Variants in SAMHD1 observed in about 807,000 individuals in gnomAD.
The protein encoded by SAMHD1 is SAM and HD domain containing deoxynucleoside triphosphate triphosphohydrolase 1, also known as deoxynucleoside triphosphate triphosphohydrolase SAMHD1.
Under a neutral mutation model 79.6 loss-of-function variants are expected in SAMHD1, and 54 were observed. The ratio of observed to expected loss-of-function variants is 0.68; its 90% CI spans 0.55 to 0.85. The LOEUF is 0.85. Ranked by LOEUF, SAMHD1 falls within the 40% of genes least tolerant of loss-of-function variation. The pLI, the probability that SAMHD1 is intolerant of heterozygous loss-of-function variation, is 0.00. For missense variants in SAMHD1, 663 were observed against 782.7 expected, an observed-to-expected ratio of 0.85 and a Z score of 1.82; for synonymous variants, 260 against 264.1, an observed-to-expected ratio of 0.98 and a Z score of 0.15.
At position 36,926,908 on chromosome 20, in the gene SAMHD1, G is replaced by A. The variant is rs546010168; in HGVS notation, c.696+274C>T. The A allele has an allele frequency of 1.4e-4, 53 of 374,872 alleles. 1 individual carries two copies. In the South Asian group the frequency reaches 1.4e-3, roughly 10 times the overall value. The allele number at this position is 374,872 out of a possible 1,614,324, so 23.2% of individuals were successfully genotyped here. ...AACTGGTTTTGTATTGCTGATTCCA[G>A]TATTTAACGGCTTTGTGATTTTTGA... On this transcript the variant is annotated intron_variant, in intron 6 of 15. Transcript: ENST00000646673.
intron 3 of SAMHD1, chr20:36,935,530 T>C (rs1048819613): frequency 6.0e-6 from 2 of 335,200 alleles, no homozygotes; most frequent in Non-Finnish European, 1.1e-5. Context: ...AACACATTCA[T>C]CCACATCATG....
chr20:36,891,071 G>T lies in SAMHD1; in HGVS notation c.*1861C>A, dbSNP rs1034691150. 1.3e-5 allele frequency: 2 copies of T among 152,172 alleles called. No homozygotes were observed. Among genetic ancestry groups the T allele is most frequent in the African/African-American group, 4.8e-5 (2 of 41,430 alleles). 9.4% of individuals were successfully genotyped at this position (152,172 alleles called of 1,614,324 possible). On this transcript the variant is annotated 3_prime_UTR_variant, in exon 16 of 16. Coordinates refer to ENST00000646673, the MANE Select transcript of SAMHD1 (RefSeq NM_015474.4). ...CTATAGAGGCACCTTGGCTAAAATG[G>T]GAATGACCTAGTGCCATGGCTGACC...
intron 3 of SAMHD1, 23 bp downstream of exon 3, chr20:36,941,016 A>G (rs1379229065): frequency 1.8e-5 from 29 of 1,578,914 alleles, no homozygotes; most frequent in Non-Finnish European, 2.4e-5. Flanking sequence ...TTCAAAAAAC[A>G]TAACAAACTC....
At chr20:36,939,044 C>G (rs1301537706) in intron 3 of SAMHD1, among the ~76,000 whole-genome samples, 1 of 115,580 alleles carries the variant, frequency 8.7e-6, no homozygotes, top group Non-Finnish European at 1.6e-5. Flanking sequence ...GCCTGGCCAA[C>G]CTGGTGAAAC....
chr20:36,918,453 CAA>C (rs1047045007), intron 7 of SAMHD1, among the ~76,000 whole-genome samples: 1 of 143,152 alleles, frequency 7.0e-6, no homozygotes. Context: ...ACCACATCTC[CAA>C]AAAAAAAAAT....
chr20:36,915,770 C>T (rs2063470663), intron 9 of SAMHD1, among the ~76,000 whole-genome samples: 1 of 151,130 alleles, frequency 6.6e-6, no homozygotes. Flanking sequence ...AAGTTTTATA[C>T]AGATTTTCAA....
At chr20:36,895,450 A>G (rs1292702625) in intron 15 of SAMHD1, among the ~76,000 whole-genome samples, 1 of 152,076 alleles carries the variant, frequency 6.6e-6, no homozygotes, top group Non-Finnish European at 1.5e-5. Flanking sequence ...TACCCAAAGT[A>G]CTTACCATGC....
intron 1 of SAMHD1, 112 bp downstream of exon 1, chr20:36,951,324 C>T: frequency 6.7e-7 from 1 of 1,488,622 alleles, no homozygotes; most frequent in Non-Finnish European, 9.1e-7. Context: ...TGCCTCCCGC[C>T]GCAGGGCTCG....
At chr20:36,943,524 G>A (rs1320102127) in intron 2 of SAMHD1, among the ~76,000 whole-genome samples, 4 of 152,166 alleles carry the variant, frequency 2.6e-5, no homozygotes, top group Admixed American at 2.0e-4. Flanking sequence ...CTGGAACACT[G>A]CAATATAGTG....
At chr20:36,911,133 A>G (rs1341772879) in intron 11 of SAMHD1, 85 bp downstream of exon 11, 7 of 767,640 alleles carry the variant, frequency 9.1e-6, no homozygotes, top group African/African-American at 3.5e-5. Flanking sequence ...GAAAAATAAA[A>G]GAAAGAAAAA....
Position 36,935,167 on chromosome 20 carries a change from C to T in SAMHD1, c.371G>A (p.Gly124Asp), listed in dbSNP as rs2063595405. The change falls in exon 4 of 16, where the codon GGC becomes GAC. Residue 124 changes from glycine (G) to aspartate (D), a missense_variant. Coordinates refer to ENST00000646673, the MANE Select transcript of SAMHD1 (RefSeq NM_015474.4). The stretch of plus-strand genomic sequence containing the variant: ...GAGGAGAGGGTGGAGCTCAATGTGG[C>T]CATGGATAGGATCATTAATTACCTA... ...TMKVINDPIH[G>D]HIELHPLLVR... is the part of the protein sequence containing the mutation. 1 of 1,613,168 alleles carries T rather than the reference C, an allele frequency of 6.2e-7. No individual in the cohort carries two copies. The highest frequency in any genetic ancestry group is 8.5e-7 in the Non-Finnish European group (1 of 1,179,318).
intron 15 of SAMHD1, among the ~76,000 whole-genome samples, chr20:36,896,182 C>T (rs1990194615): frequency 6.6e-6 from 1 of 151,810 alleles, no homozygotes; most frequent in African/African-American, 2.4e-5. Flanking sequence ...CAGTATTAGC[C>T]AGGATAGTCT....
chr20:36,922,207 GA>G (rs1205855767), intron 6 of SAMHD1, among the ~76,000 whole-genome samples: 3 of 152,000 alleles, frequency 2.0e-5, no homozygotes, highest in Non-Finnish European at 4.4e-5. Flanking sequence ...CTGGACCAGG[GA>G]AAAAAAGTTT....
chr20:36,919,346 A>C lies in SAMHD1; in HGVS notation c.852+18T>G. On this transcript the variant is annotated intron_variant, in intron 7 of 15. Transcript: ENST00000646673. ...GAAAAGCACCAGTCAGTTAAAATTA[A>C]GCTGTACATAAACTTACCAATGAAT... 1 of 1,611,990 alleles carries C rather than the reference A, an allele frequency of 6.2e-7. No homozygotes were observed. Among genetic ancestry groups the C allele is most frequent in the Non-Finnish European group, 8.5e-7 (1 of 1,178,438 alleles).
intron 5 of SAMHD1, among the ~76,000 whole-genome samples, chr20:36,928,901 A>G (rs1021199150): frequency 6.6e-6 from 1 of 151,456 alleles, no homozygotes; most frequent in Non-Finnish European, 1.5e-5. Context: ...TACTAAAACT[A>G]TAATAATTAG....
At position 36,917,254 on chromosome 20, in the gene SAMHD1, C is replaced by A. The variant is rs796337444; in HGVS notation, c.853-205G>T. 24 of 564,802 alleles carry A rather than the reference C, an allele frequency of 4.2e-5. No individual in the cohort carries two copies. In the African/African-American group the frequency reaches 4.3e-4, roughly 10 times the overall value. The allele number at this position is 564,802 out of a possible 1,614,324, so 35.0% of individuals were successfully genotyped here. On this transcript the variant is annotated intron_variant, in intron 7 of 15. Transcript: ENST00000646673. ...AAAAGAAATGCTAAGGTATATGATA[C>A]CCTATTGTTACCACATTTTCTTGTG...
intron 11 of SAMHD1, among the ~76,000 whole-genome samples, chr20:36,910,167 G>T (rs938437267): frequency 3.3e-5 from 5 of 150,520 alleles, no homozygotes; most frequent in African/African-American, 4.9e-5. Flanking sequence ...AGCTTGTAGT[G>T]AGCCGAGATT....
chr20:36,903,902 G>A (rs1015931470), intron 13 of SAMHD1: 14 of 364,350 alleles, frequency 3.8e-5, no homozygotes, highest in Non-Finnish European at 7.1e-5. Flanking sequence ...AAATTAAAAT[G>A]TATTACTTGT....
chr20:36,918,029 A>T (rs777818048), intron 7 of SAMHD1, among the ~76,000 whole-genome samples: 19 of 151,738 alleles, frequency 1.3e-4, no homozygotes, highest in Non-Finnish European at 2.4e-4. Flanking sequence ...ATTTTTTTTT[A>T]AATTTGTAGA....
Sources: allele counts gnomAD v4.1 joint callset (sites outside exome capture counted in the v4.1 genomes callset), GRCh38; gene constraint gnomAD v4.1.1; transcripts MANE v1.5; gene names NCBI Gene and HGNC (gene_info 2026-07-23, HGNC 2026-07-21).